Variants in ESR1 observed in about 807,000 individuals in gnomAD.
The protein encoded by ESR1 is estrogen receptor 1, also known as estrogen receptor.
Under a neutral mutation model 52.7 loss-of-function variants are expected in ESR1, and 12 were observed. That is an observed-to-expected ratio of 0.23 (90% CI 0.15 to 0.37). ESR1 has a LOEUF of 0.37. ESR1 is among the 10% of genes least tolerant of loss of function. The probability of loss-of-function intolerance (pLI) is 1.00; values close to 1 mark genes in which losing one functional copy is unlikely to be tolerated. For synonymous variants in ESR1, 305 were observed against 316.8 expected (o/e 0.96, Z 0.39); for missense variants, 584 against 779.7 (o/e 0.75, Z 2.99).
intron 2 of ESR1, among the ~76,000 whole-genome samples, chr6:151,766,371 T>C (rs979822545): frequency 6.6e-6 from 1 of 152,068 alleles, no homozygotes; most frequent in Non-Finnish European, 1.5e-5. Flanking sequence ...ATTTAAAAAT[T>C]ACAGGAGACT....
At chr6:151,800,019 C>T (rs1233148778), upstream of ESR1, among the ~76,000 whole-genome samples, 1 of 152,118 alleles carries the variant, frequency 6.6e-6, no homozygotes, top group Non-Finnish European at 1.5e-5. Flanking sequence ...AGTTGAGCTT[C>T]AAGTAGCTAG....
chr6:151,744,562 A>G (rs1374815858), intron 2 of ESR1, among the ~76,000 whole-genome samples: 2 of 152,288 alleles, frequency 1.3e-5, no homozygotes, highest in South Asian at 2.1e-4. Context: ...AAATTTGATG[A>G]TTTTAAATTT....
intron 6 of ESR1, among the ~76,000 whole-genome samples, chr6:152,075,544 C>T (rs1032082587): frequency 1.1e-4 from 16 of 152,234 alleles, no homozygotes; most frequent in African/African-American, 3.1e-4. Flanking sequence ...GCCCACTCAT[C>T]TCTCAAAGAG....
At chr6:151,842,826 A>G (rs1420243908) in intron 2 of ESR1, 39 bp downstream of exon 2, 5 of 1,585,782 alleles carry the variant, frequency 3.2e-6, no homozygotes, top group South Asian at 1.1e-5. Context: ...TTTTGATCCT[A>G]TGAGCAGATC....
intron 5 of ESR1, among the ~76,000 whole-genome samples, chr6:152,057,694 T>TACACACACACAC (rs10560254): frequency 4.4e-4 from 64 of 145,826 alleles, no homozygotes; most frequent in African/African-American, 1.6e-3. Flanking sequence ...TACACATGCA[T>TACACACACACAC]ACACACACAC....
chr6:151,955,259 A>C (rs1051641759), intron 4 of ESR1, among the ~76,000 whole-genome samples: 1 of 152,218 alleles, frequency 6.6e-6, no homozygotes, highest in Non-Finnish European at 1.5e-5. Context: ...TAAACTTAAC[A>C]TACCATAGAA....
chr6:152,095,822 CTG>C (rs1303905455), intron 7 of ESR1, among the ~76,000 whole-genome samples: 7 of 152,226 alleles, frequency 4.6e-5, no homozygotes, highest in African/African-American at 1.7e-4. Flanking sequence ...ACTGACAACT[CTG>C]TGAGCCATCA....
chr6:151,984,585 G>T (rs780715601), intron 4 of ESR1, among the ~76,000 whole-genome samples: 13 of 152,098 alleles, frequency 8.5e-5, no homozygotes, highest in Non-Finnish European at 1.9e-4. Flanking sequence ...TCCACTACCT[G>T]CAGTCCACCC....
chr6:152,034,165 G>A (rs1271720531), intron 5 of ESR1, among the ~76,000 whole-genome samples: 5 of 151,166 alleles, frequency 3.3e-5, no homozygotes, highest in Non-Finnish European at 5.9e-5. Context: ...GGGGAGGGAT[G>A]CATTAGGAGA....
At chr6:152,060,757 C>T (rs535055896) in intron 5 of ESR1, among the ~76,000 whole-genome samples, 1 of 152,284 alleles carries the variant, frequency 6.6e-6, no homozygotes, top group African/African-American at 2.4e-5. Context: ...GAACTACCTA[C>T]CTCTTCTAAG....
At chr6:152,118,665 C>T (rs2051238999) in intron 6 of ESR1, among the ~76,000 whole-genome samples, 1 of 152,010 alleles carries the variant, frequency 6.6e-6, no homozygotes, top group Non-Finnish European at 1.5e-5. Context: ...CTAATGCATG[C>T]AGGGCTTAAA....
chr6:151,807,969 A>G lies in ESR1; in HGVS notation c.57A>G (p.Gln19=), dbSNP rs753706485. Reference sequence around the variant, plus strand: ...GGATGGCCCTACTGCATCAGATCCAAGGGAACGAGCTGGAGCCCCTGAACC... The same window carrying G: ...GGATGGCCCTACTGCATCAGATCCAGGGGAACGAGCTGGAGCCCCTGAACC... The part of the protein sequence containing the change: ...ASGMALLHQI[Q]GNELEPLNRP... The change falls in exon 1 of 8, where the codon CAA becomes CAG. Residue 19 remains glutamine (Q), a synonymous_variant. Transcript: ENST00000206249. 1 of 1,613,956 alleles carries G rather than the reference A, an allele frequency of 6.2e-7. No individual in the cohort carries two copies. Among genetic ancestry groups the G allele is most frequent in the East Asian group, 2.2e-5 (1 of 44,844 alleles).
At chr6:151,865,204 C>T (rs1387351235) in intron 2 of ESR1, among the ~76,000 whole-genome samples, 1 of 151,974 alleles carries the variant, frequency 6.6e-6, no homozygotes, top group Non-Finnish European at 1.5e-5. Context: ...ATTTTGTTAA[C>T]ATACATTACC....
chr6:152,032,705 G>A lies in ESR1; in HGVS notation c.1235+20911G>A, dbSNP rs1420020605. On this transcript the variant is annotated intron_variant, in intron 5 of 7. Coordinates refer to ENST00000206249, the MANE Select transcript of ESR1 (RefSeq NM_000125.4). ...AGGAAGAATCAATATCATGAAAATG[G>A]CCATACTGCCCAAGGTAATTTATAG... 2.0e-5 allele frequency among the ~76,000 whole-genome samples: 3 copies of A among 152,100 alleles called. No individual in the cohort carries two copies. In the East Asian group the frequency reaches 5.8e-4, roughly 29 times the overall value.
At chr6:151,683,864 A>AC (rs1487042137) in intron 1 of ESR1, among the ~76,000 whole-genome samples, 1 of 118,476 alleles carries the variant, frequency 8.4e-6, no homozygotes, top group African/African-American at 3.3e-5. Flanking sequence ...ACGTCTGGCT[A>AC]TTTTTTTTTT....
At chr6:152,129,276 C>T (rs551634895) in exon 7 of ESR1, 2 of 152,202 alleles carry the variant, frequency 1.3e-5, no homozygotes, top group African/African-American at 4.8e-5. Flanking sequence ...ATAACATAAG[C>T]GCTTTCCCCC....
At chr6:152,034,306 TA>T (rs1584929075) in intron 5 of ESR1, among the ~76,000 whole-genome samples, 1 of 151,838 alleles carries the variant, frequency 6.6e-6, no homozygotes, top group East Asian at 1.9e-4. Context: ...AATAAATAAA[TA>T]AATAAATAAA....
chr6:151,846,595 T>C (rs563342528), intron 2 of ESR1, among the ~76,000 whole-genome samples: 65 of 152,330 alleles, frequency 4.3e-4, no homozygotes, highest in African/African-American at 1.6e-3. Context: ...GTACATCAGA[T>C]TATTCTCATG....
intron 1 of ESR1, among the ~76,000 whole-genome samples, chr6:151,677,080 A>G (rs1182518322): frequency 6.6e-6 from 1 of 152,178 alleles, no homozygotes; most frequent in African/African-American, 2.4e-5. Flanking sequence ...CAAACTCCTG[A>G]ACTGAAGGGA....
Sources: allele counts gnomAD v4.1 joint callset (sites outside exome capture counted in the v4.1 genomes callset), GRCh38; gene constraint gnomAD v4.1.1; transcripts MANE v1.5; gene names NCBI Gene and HGNC (gene_info 2026-07-23, HGNC 2026-07-21).